ZC3H7A: variants seen among roughly 807,000 people sequenced by gnomAD.
The protein encoded by ZC3H7A is zinc finger CCCH domain-containing protein 7A.
Under a neutral mutation model 125.5 loss-of-function variants are expected in ZC3H7A, and 44 were observed. The observed-to-expected ratio is 0.35, with a 90% CI of 0.28 to 0.45. The LOEUF is 0.45. Among genes scored for constraint, ZC3H7A ranks in the 20% least tolerant of loss-of-function variants. The pLI is 1.00. For synonymous variants in ZC3H7A, 399 were observed against 391.2 expected (o/e 1.02, Z -0.23); for missense variants, 977 against 1,170.7 (o/e 0.83, Z 2.41).
intron 2 of ZC3H7A, 84 bp downstream of exon 2, chr16:11,782,203 A>G (rs1015411888): frequency 6.1e-6 from 9 of 1,485,240 alleles, no homozygotes; most frequent in African/African-American, 2.8e-5. Flanking sequence ...AAACATGACT[A>G]AAGAGTTCTT....
chr16:11,793,556 G>GA (rs1442187665), intron 1 of ZC3H7A, among the ~76,000 whole-genome samples: 2 of 151,556 alleles, frequency 1.3e-5, no homozygotes, highest in Admixed American at 6.6e-5. Context: ...TGGGGGGGAG[G>GA]AAAAATGATA....
chr16:11,774,833 G>T, intron 8 of ZC3H7A, 147 bp downstream of exon 8: 1 of 1,011,274 alleles, frequency 9.9e-7, no homozygotes, highest in Non-Finnish European at 1.4e-6. Flanking sequence ...CACAAAGGGA[G>T]CATTGGAAAT....
chr16:11,771,215 C>A (rs935063460), intron 9 of ZC3H7A, among the ~76,000 whole-genome samples: 3 of 151,992 alleles, frequency 2.0e-5, no homozygotes, highest in African/African-American at 7.2e-5. Context: ...CGGTGAAACT[C>A]CATCTCCACT....
At chr16:11,785,455 A>T (rs1047452972) in intron 1 of ZC3H7A, among the ~76,000 whole-genome samples, 8 of 151,708 alleles carry the variant, frequency 5.3e-5, no homozygotes, top group African/African-American at 1.9e-4. Context: ...GTAGTGAGCT[A>T]CGATTGTGCC....
chr16:11,759,591 G>A (rs969411362), intron 19 of ZC3H7A: 1 of 152,172 alleles, frequency 6.6e-6, no homozygotes, highest in Non-Finnish European at 1.5e-5. Context: ...GTCTTTCAAA[G>A]CTCAATGATA....
chr16:11,769,784 C>CTTTCTTTTTT (rs1485329734), intron 10 of ZC3H7A, among the ~76,000 whole-genome samples: 6 of 61,608 alleles, frequency 9.7e-5, no homozygotes, highest in African/African-American at 5.8e-4. Flanking sequence ...CAATTGCTTT[C>CTTTCTTTTTT]TTTTTTTTTT....
chr16:11,770,895 A>T lies in ZC3H7A; in HGVS notation c.996T>A (p.Gly332=), dbSNP rs770167482. The part of the protein sequence containing the change: ...SASLLGTLPI[G]ARYAPPPSFS... ...AGGAGGGTGGAGGAGCATACCTCGCACCAATGGGTAAGGTTCCTAACAGCG... is the reference window on the plus strand; with the variant it reads ...AGGAGGGTGGAGGAGCATACCTCGCTCCAATGGGTAAGGTTCCTAACAGCG... The change falls in exon 10 of 23, where the codon GGT becomes GGA. Residue 332 remains glycine (G), a synonymous_variant. Transcript: ENST00000355758. 6.2e-7 allele frequency: 1 copy of T among 1,614,242 alleles called. No individual in the cohort carries two copies. The highest frequency in any genetic ancestry group is 8.5e-7 in the Non-Finnish European group (1 of 1,180,046).
chr16:11,776,402 C>T (rs762254618), intron 6 of ZC3H7A, 44 bp from the exon 7 acceptor site: 21 of 1,601,646 alleles, frequency 1.3e-5, no homozygotes, highest in Non-Finnish European at 1.8e-5. Flanking sequence ...GAACTGACTC[C>T]AAGTTCTAAA....
chr16:11,772,696 A>G (rs1304192820), intron 9 of ZC3H7A, among the ~76,000 whole-genome samples: 1 of 149,702 alleles, frequency 6.7e-6, no homozygotes, highest in Non-Finnish European at 1.5e-5. Flanking sequence ...GGGGTCAGAG[A>G]AGTCTTTTTT....
intron 1 of ZC3H7A, among the ~76,000 whole-genome samples, chr16:11,794,175 C>T (rs2053397014): frequency 1.3e-5 from 2 of 152,182 alleles, no homozygotes; most frequent in African/African-American, 4.8e-5. Flanking sequence ...ACGATGTACC[C>T]AAGACCGCCA....
chr16:11,767,409 G>T lies in ZC3H7A; in HGVS notation c.1522+8C>A. ...AATGTATACTAATTAAGTAATTACA[G>T]TACATACCTTTACATATATAATATG... On this transcript the variant is annotated splice_region_variant and intron_variant, in intron 13 of 22. Transcript: ENST00000355758. 2 of 1,549,072 alleles carry T rather than the reference G, an allele frequency of 1.3e-6. No homozygotes were observed. Among genetic ancestry groups the T allele is most frequent in the Non-Finnish European group, 1.8e-6 (2 of 1,130,332 alleles).
intron 1 of ZC3H7A, among the ~76,000 whole-genome samples, chr16:11,789,773 T>A (rs898509568): frequency 2.6e-5 from 4 of 152,056 alleles, no homozygotes; most frequent in African/African-American, 9.7e-5. Flanking sequence ...CATCTAAGTA[T>A]CCCTTTAAAG....
At chr16:11,781,246 T>C (rs970297658) in intron 3 of ZC3H7A, among the ~76,000 whole-genome samples, 179 bp downstream of exon 3, 2 of 151,938 alleles carry the variant, frequency 1.3e-5, no homozygotes, top group South Asian at 2.1e-4. Context: ...CATAAACAAA[T>C]GAGTGTGGCT....
Position 11,774,530 on chromosome 16 carries a change from G to C in ZC3H7A, c.620-11C>G. 1.3e-6 allele frequency: 2 copies of C among 1,509,726 alleles called. No individual in the cohort carries two copies. Among genetic ancestry groups the C allele is most frequent in the Non-Finnish European group, 1.8e-6 (2 of 1,128,476 alleles). 93.5% of individuals were successfully genotyped at this position (1,509,726 alleles called of 1,614,324 possible). ...TTGGAGTTAATAAATCTGTAACACA[G>C]ATGGAAATGTACTCAGTCACTTTCA... On this transcript the variant is annotated splice_polypyrimidine_tract_variant and intron_variant, in intron 8 of 22. Transcript: ENST00000355758.
intron 1 of ZC3H7A, chr16:11,796,541 C>G (rs972006177): frequency 1.3e-5 from 2 of 152,768 alleles, no homozygotes; most frequent in African/African-American, 4.8e-5. Flanking sequence ...CAGGCCTGAC[C>G]GGAAGCCCCG....
chr16:11,762,871 G>C (rs1252585688), intron 16 of ZC3H7A, 124 bp from the exon 17 acceptor site: 1 of 801,086 alleles, frequency 1.2e-6, no homozygotes, highest in Non-Finnish European at 2.0e-6. Context: ...TAATCCATCA[G>C]CAAGGATGAA....
chr16:11,785,379 A>T (rs1471803114), intron 1 of ZC3H7A, among the ~76,000 whole-genome samples: 1 of 151,374 alleles, frequency 6.6e-6, no homozygotes, highest in African/African-American at 2.4e-5. Flanking sequence ...GGTGGTGCGT[A>T]CCAGTAGTCC....
At position 11,765,599 on chromosome 16, in the gene ZC3H7A, G is replaced by T. The variant is rs370491793; in HGVS notation, c.1609C>A (p.Arg537=). 6.2e-7 allele frequency: 1 copy of T among 1,614,026 alleles called. No individual in the cohort carries two copies. Among genetic ancestry groups the T allele is most frequent in the South Asian group, 1.1e-5 (1 of 91,078 alleles). Residue 537 remains arginine (R), a synonymous_variant, in exon 14 of 23, where the codon CGG becomes AGG. Transcript: ENST00000355758. This position sits in a 1 kb window ranked among gnomAD's most constrained non-coding sequence, Gnocchi z 4.8. ...QEEIDVWTLE[R]KGAFSREAFF... The stretch of plus-strand genomic sequence containing the variant: ...GCCTCCCGGCTGAATGCTCCTTTCC[G>T]CTCCAGTGTCCACACATCTATCTCC...
intron 3 of ZC3H7A, 25 bp from the exon 4 acceptor site, chr16:11,779,388 G>A (rs1266063091): frequency 6.3e-7 from 1 of 1,595,584 alleles, no homozygotes; most frequent in Non-Finnish European, 8.5e-7. Context: ...GTTACCACTT[G>A]AAGCCTTTTA....
Sources: gnomAD v4.1 joint callset for allele counts (sites outside exome capture counted in the v4.1 genomes callset) on GRCh38, gnomAD v4.1.1 for gene constraint, Gnocchi (gnomAD v3.1) non-coding constraint, MANE v1.5 for transcripts, NCBI Gene and HGNC (gene_info 2026-07-23, HGNC 2026-07-21) for gene names.